The following ANKFN1 variants were observed in gnomAD, a reference collection of about 807,000 sequenced individuals.
ANKFN1 encodes ankyrin repeat and fibronectin type III domain containing 1.
In ANKFN1, 74 loss-of-function variants were observed where a neutral mutation model predicts 108.7. That is an observed-to-expected ratio of 0.68 (90% confidence interval 0.56 to 0.83). The LOEUF (loss-of-function observed/expected upper bound fraction) is 0.83. Among genes scored for constraint, ANKFN1 ranks in the 40% least tolerant of loss-of-function variants. ANKFN1 has a pLI of 0.00. For synonymous variants in ANKFN1, 547 were observed against 516.2 expected (o/e 1.06, Z -0.81); for missense variants, 1,505 against 1,382.3 (o/e 1.09, Z -1.41).
chr17:56,398,765 G>C (rs144882348), intron 8 of ANKFN1, among the ~76,000 whole-genome samples: 1 of 152,136 alleles, frequency 6.6e-6, no homozygotes, highest in East Asian at 1.9e-4. Flanking sequence ...TTGTGATCTT[G>C]GAAAACGTTT....
intron 15 of ANKFN1, chr17:56,473,228 T>G (rs2050380865): frequency 6.6e-6 from 1 of 152,060 alleles, no homozygotes; most frequent in African/African-American, 2.4e-5. Flanking sequence ...GACTAGGGCA[T>G]GTATGGGGAA....
In ANKFN1 at chr17:56,203,878, A is replaced by T. The variant is rs188645623; in HGVS notation, c.-70-8720A>T. 7.1e-3 allele frequency among the ~76,000 whole-genome samples: 1,078 copies of T among 152,270 alleles called. 8 individuals are homozygous for T. The highest frequency in any genetic ancestry group is 0.02 in the Middle Eastern group (6 of 294). On this transcript the variant is annotated intron_variant, in intron 1 of 20. Coordinates refer to ENST00000682825, the MANE Select transcript of ANKFN1 (RefSeq NM_001370326.1). ...GGGCATCTATTTTTATTAAAAAAAGATATAACTAGCAAAGGAAGCTCGTAG... is the reference window on the plus strand; with the variant it reads ...GGGCATCTATTTTTATTAAAAAAAGTTATAACTAGCAAAGGAAGCTCGTAG...
chr17:56,178,738 C>A (rs768705869), intron 1 of ANKFN1, among the ~76,000 whole-genome samples: 1 of 151,846 alleles, frequency 6.6e-6, no homozygotes, highest in Non-Finnish European at 1.5e-5. Context: ...AAAGATAATG[C>A]GTTTCATTTA....
At chr17:56,325,644 T>G (rs1392307587) in intron 3 of ANKFN1, among the ~76,000 whole-genome samples, 1 of 152,136 alleles carries the variant, frequency 6.6e-6, no homozygotes, top group Non-Finnish European at 1.5e-5. Context: ...ATTTAGAGCT[T>G]TCTTAAGATG....
chr17:56,203,779 T>C (rs1914265442), intron 1 of ANKFN1, among the ~76,000 whole-genome samples: 1 of 152,164 alleles, frequency 6.6e-6, no homozygotes, highest in Non-Finnish European at 1.5e-5. Flanking sequence ...TGGCAAAGAA[T>C]GTAAGTAACT....
intron 4 of ANKFN1, among the ~76,000 whole-genome samples, chr17:56,080,683 G>T (rs1451296067): frequency 6.6e-6 from 1 of 152,170 alleles, no homozygotes; most frequent in African/African-American, 2.4e-5. Flanking sequence ...GGCCCAGAGA[G>T]CTTAAGTAAA....
intron 8 of ANKFN1, among the ~76,000 whole-genome samples, chr17:56,407,000 G>A (rs2047941465): frequency 1.3e-5 from 2 of 152,120 alleles, no homozygotes; most frequent in Admixed American, 6.5e-5. Context: ...GAAGTATCTG[G>A]CATGGGGCCA....
In ANKFN1 at chr17:56,204,124, G is replaced by A. The variant is rs933149446; in HGVS notation, c.-70-8474G>A. 2.3e-4 allele frequency among the ~76,000 whole-genome samples: 35 copies of A among 152,216 alleles called. 1 individual carries two copies. The highest frequency in any genetic ancestry group is 1.9e-3 in the Admixed American group (29 of 15,302). On this transcript the variant is annotated intron_variant, in intron 1 of 20. Transcript: ENST00000682825. ...TGCAATGGCACGATCTCGGCTCACC[G>A]CAACCTCTGTCTCCTGGGTTCAAGT...
In ANKFN1 at chr17:56,419,422, G is replaced by A. The variant is rs1004045746; in HGVS notation, c.911-20905G>A. Reference sequence around the variant, plus strand: ...TGCTTGAACCTGGGAGGTGGAGGCTGCAGTGAGCCGAGATCCCGCCATTGC... The same window carrying A: ...TGCTTGAACCTGGGAGGTGGAGGCTACAGTGAGCCGAGATCCCGCCATTGC... On this transcript the variant is annotated intron_variant, in intron 8 of 20. Coordinates refer to ENST00000682825, the MANE Select transcript of ANKFN1 (RefSeq NM_001370326.1). Among the ~76,000 whole-genome samples, 7 of 151,718 alleles carry A rather than the reference G, an allele frequency of 4.6e-5. No homozygotes were observed. In the South Asian group the frequency reaches 1.2e-3, roughly 27 times the overall value.
intron 3 of ANKFN1, among the ~76,000 whole-genome samples, chr17:56,239,890 A>G (rs866986388): frequency 2.0e-5 from 3 of 152,162 alleles, no homozygotes; most frequent in African/African-American, 7.2e-5. Flanking sequence ...AGGAACATCC[A>G]GGACTATGGG....
At chr17:56,248,903 T>C (rs566440985) in intron 3 of ANKFN1, among the ~76,000 whole-genome samples, 1 of 152,080 alleles carries the variant, frequency 6.6e-6, no homozygotes, top group African/African-American at 2.4e-5. Context: ...GCCAAAAAGG[T>C]CCATTATCCA....
chr17:56,427,536 T>C (rs961081303), intron 8 of ANKFN1, among the ~76,000 whole-genome samples: 2 of 152,056 alleles, frequency 1.3e-5, no homozygotes, highest in African/African-American at 4.8e-5. Flanking sequence ...TTCTGCTTGG[T>C]GGTCACTGCC....
chr17:56,224,363 A>C (rs978188223), intron 2 of ANKFN1, among the ~76,000 whole-genome samples: 1 of 152,238 alleles, frequency 6.6e-6, no homozygotes, highest in Non-Finnish European at 1.5e-5. Flanking sequence ...AATAGAATTA[A>C]TTCAAAATTC....
chr17:56,464,915 G>A (rs1184101974), intron 14 of ANKFN1, among the ~76,000 whole-genome samples: 1 of 152,102 alleles, frequency 6.6e-6, no homozygotes, highest in Non-Finnish European at 1.5e-5. Flanking sequence ...TATAAGTAAA[G>A]GTTTAATAGC....
At chr17:56,510,354 G>A (rs963954635) in intron 20 of ANKFN1, 119 bp from the exon 21 acceptor site, 1 of 836,138 alleles carries the variant, frequency 1.2e-6, no homozygotes, top group African/African-American at 1.7e-5. Flanking sequence ...GTGACAGCAG[G>A]GCATTAAACG....
intron 1 of ANKFN1, among the ~76,000 whole-genome samples, chr17:56,159,592 G>A (rs1390567337): frequency 6.6e-6 from 1 of 152,214 alleles, no homozygotes; most frequent in East Asian, 1.9e-4. Flanking sequence ...TTTATGCAAT[G>A]TGATTAAAGC....
intron 4 of ANKFN1, among the ~76,000 whole-genome samples, chr17:56,130,679 C>T (rs1364890297): frequency 2.0e-5 from 3 of 152,092 alleles, no homozygotes; most frequent in Non-Finnish European, 2.9e-5. Flanking sequence ...ATCTGCCAAC[C>T]AAGGGGCATT....
intron 3 of ANKFN1, among the ~76,000 whole-genome samples, chr17:56,314,426 C>A (rs2144464534): frequency 6.6e-6 from 1 of 152,320 alleles, no homozygotes; most frequent in Non-Finnish European, 1.5e-5. Flanking sequence ...ACCTCACCAA[C>A]TCTTGGTTTT....
intron 19 of ANKFN1, among the ~76,000 whole-genome samples, chr17:56,495,251 A>G (rs1416505685): frequency 6.6e-6 from 1 of 152,116 alleles, no homozygotes; most frequent in African/African-American, 2.4e-5. Flanking sequence ...TTCTCCCAAC[A>G]TGGATAACTT....
Sources: allele counts gnomAD v4.1 joint callset (sites outside exome capture counted in the v4.1 genomes callset), GRCh38; gene constraint gnomAD v4.1.1; transcripts MANE v1.5; gene names NCBI Gene and HGNC (gene_info 2026-07-23, HGNC 2026-07-21).